The following DDAH1 variants were observed in gnomAD, a reference collection of about 807,000 sequenced individuals.
DDAH1 encodes the protein dimethylarginine dimethylaminohydrolase 1, also known as N(G),N(G)-dimethylarginine dimethylaminohydrolase 1.
DDAH1 carries 19 observed loss-of-function variants against 28.8 expected under a neutral mutation model. The ratio of observed to expected loss-of-function variants is 0.66; its 90% CI spans 0.46 to 0.97. The LOEUF (loss-of-function observed/expected upper bound fraction) is 0.97, where lower values mean the gene tolerates loss of function less well. Ranked by LOEUF, DDAH1 falls within the 50% of genes least tolerant of loss-of-function variation. The pLI, the probability that DDAH1 is intolerant of heterozygous loss-of-function variation, is 0.00. For synonymous variants in DDAH1, 153 were observed against 154.4 expected, an observed-to-expected ratio of 0.99 and a Z score of 0.07; for missense variants, 326 against 375.9, an observed-to-expected ratio of 0.87 and a Z score of 1.10.
upstream of DDAH1, chr1:85,465,313 G>A (rs954128221): frequency 6.6e-4 from 471 of 718,160 alleles, no homozygotes; most frequent in Non-Finnish European, 7.6e-4. Context: ...GGCGAGCGCC[G>A]GGCGAGGAGT....
At chr1:85,391,099 G>A (rs1405175622) in intron 1 of DDAH1, among the ~76,000 whole-genome samples, 3 of 152,118 alleles carry the variant, frequency 2.0e-5, no homozygotes, top group Admixed American at 6.5e-5. Context: ...TCATCCATAC[G>A]AAGGACAGTA....
chr1:85,439,841 A>G (rs988893182), intron 1 of DDAH1, among the ~76,000 whole-genome samples: 6 of 152,232 alleles, frequency 3.9e-5, no homozygotes, highest in Non-Finnish European at 7.3e-5. Flanking sequence ...CTACTTTAAG[A>G]TATTTAAAAT....
intron 1 of DDAH1, among the ~76,000 whole-genome samples, chr1:85,422,197 A>G (rs566973927): frequency 2.0e-5 from 3 of 152,282 alleles, no homozygotes; most frequent in African/African-American, 4.8e-5. Flanking sequence ...TTCCATCTGC[A>G]TATCTTCTTT....
upstream of DDAH1, chr1:85,467,592 C>A (rs1465000873): frequency 6.6e-6 from 1 of 152,076 alleles, no homozygotes. Flanking sequence ...TCTATTTTCT[C>A]TAAGCAGTGG....
intron 1 of DDAH1, among the ~76,000 whole-genome samples, chr1:85,536,390 TA>T (rs1238335305): frequency 2.9e-4 from 43 of 149,790 alleles, no homozygotes; most frequent in Non-Finnish European, 5.9e-4. Flanking sequence ...CCGTCTCTAC[TA>T]AATATACAAA....
At chr1:85,479,563 T>G (rs1774666) in intron 2 of DDAH1, among the ~76,000 whole-genome samples, 126,832 of 152,128 alleles carry the variant, frequency 0.83, 54,838 homozygotes, top group Middle Eastern at 0.98. Context: ...ATCGGGGTTT[T>G]CACCACTAAT....
intron 1 of DDAH1, among the ~76,000 whole-genome samples, chr1:85,362,374 G>A (rs888320983): frequency 1.8e-4 from 28 of 152,054 alleles, no homozygotes; most frequent in African/African-American, 6.3e-4. Context: ...GAATGATCAT[G>A]GTCACTGAGA....
At chr1:85,339,286 G>A (rs1415236074) in intron 4 of DDAH1, among the ~76,000 whole-genome samples, 1 of 152,130 alleles carries the variant, frequency 6.6e-6, no homozygotes, top group Non-Finnish European at 1.5e-5. Context: ...ATAACGATGA[G>A]TCACCTCTCA....
chr1:85,351,666 C>T, intron 2 of DDAH1, 87 bp from the exon 3 acceptor site: 5 of 983,562 alleles, frequency 5.1e-6, no homozygotes, highest in Admixed American at 1.8e-5. Context: ...GACCTTAAAG[C>T]ATCACACAGT....
intron 1 of DDAH1, among the ~76,000 whole-genome samples, chr1:85,536,653 C>T (rs1372555475): frequency 6.6e-6 from 1 of 151,854 alleles, no homozygotes; most frequent in Non-Finnish European, 1.5e-5. Context: ...ACCAGAAAGA[C>T]AAAAGAAAAC....
intron 2 of DDAH1, among the ~76,000 whole-genome samples, chr1:85,356,184 CT>C (rs1649478745): frequency 6.6e-6 from 1 of 152,046 alleles, no homozygotes; most frequent in Admixed American, 6.5e-5. Context: ...TTTTATAACT[CT>C]TTTTTAATGT....
intron 1 of DDAH1, among the ~76,000 whole-genome samples, chr1:85,536,968 TATATATATATATATATAC>T (rs775522520): frequency 0.14 from 13,503 of 96,324 alleles, 859 homozygotes; most frequent in Middle Eastern, 0.26. Flanking sequence ...TATATATATA[TATATATATATATATATAC>T]GTATATACAT....
At chr1:85,566,426 C>T (rs1449147744) in intron 1 of DDAH1, among the ~76,000 whole-genome samples, 1 of 145,376 alleles carries the variant, frequency 6.9e-6, no homozygotes. Flanking sequence ...TGGGAGGTGA[C>T]AGTTGCAGTG....
intron 4 of DDAH1, among the ~76,000 whole-genome samples, chr1:85,346,138 G>A (rs1435514528): frequency 6.6e-6 from 1 of 152,168 alleles, no homozygotes; most frequent in African/African-American, 2.4e-5. Context: ...CATGTAAGAA[G>A]TAGATTCTGA....
intron 1 of DDAH1, among the ~76,000 whole-genome samples, chr1:85,448,748 G>A (rs1054599880): frequency 2.0e-5 from 3 of 152,044 alleles, no homozygotes; most frequent in African/African-American, 4.8e-5. Flanking sequence ...ACGAAACACA[G>A]GAAATCTATC....
chr1:85,446,594 C>T (rs1198512876), intron 1 of DDAH1, among the ~76,000 whole-genome samples: 1 of 152,122 alleles, frequency 6.6e-6, no homozygotes, highest in Non-Finnish European at 1.5e-5. Context: ...AACATCACGC[C>T]AAAGACATCA....
chr1:85,493,620 C>G (rs1656480106), intron 2 of DDAH1: 2 of 152,202 alleles, frequency 1.3e-5, no homozygotes, highest in South Asian at 2.1e-4. Flanking sequence ...TTCTGACATT[C>G]CAAAAGAGTC....
intron 2 of DDAH1, among the ~76,000 whole-genome samples, chr1:85,489,738 A>G (rs986071493): frequency 6.6e-6 from 1 of 152,170 alleles, no homozygotes; most frequent in Admixed American, 6.6e-5. Context: ...TGAGGTTACA[A>G]AAACCAAGGA....
chr1:85,378,359 A>G (rs911084417), intron 1 of DDAH1, among the ~76,000 whole-genome samples: 5 of 152,204 alleles, frequency 3.3e-5, no homozygotes. Context: ...AGGCAGAAAA[A>G]GTAATAGTAA....
Sources: gnomAD v4.1 joint callset for allele counts (sites outside exome capture counted in the v4.1 genomes callset) on GRCh38, gnomAD v4.1.1 for gene constraint, MANE v1.5 for transcripts, NCBI Gene and HGNC (gene_info 2026-07-23, HGNC 2026-07-21) for gene names.